Variants in EGFLAM observed in about 807,000 individuals in gnomAD.
The protein encoded by EGFLAM is pikachurin.
A neutral mutation model predicts 113.1 loss-of-function variants in EGFLAM; 79 were observed. The ratio of observed to expected loss-of-function variants is 0.70; its 90% CI spans 0.58 to 0.84. EGFLAM has a LOEUF of 0.84. EGFLAM is among the 40% of genes least tolerant of loss of function. The pLI, the probability that EGFLAM is intolerant of heterozygous loss-of-function variation, is 0.00. For synonymous variants in EGFLAM, 504 were observed against 487.6 expected (o/e 1.03, Z -0.44); for missense variants, 1,265 against 1,291.6 (o/e 0.98, Z 0.32).
At chr5:38,326,583 C>G (rs1049269560) in intron 1 of EGFLAM, among the ~76,000 whole-genome samples, 2 of 151,998 alleles carry the variant, frequency 1.3e-5, no homozygotes, top group African/African-American at 4.8e-5. Context: ...ACTGCAAGCT[C>G]TGCCTCCCAG....
intron 6 of EGFLAM, among the ~76,000 whole-genome samples, chr5:38,392,620 C>CTA (rs1554010903): frequency 1.4e-5 from 2 of 145,410 alleles, no homozygotes; most frequent in African/African-American, 5.4e-5. Flanking sequence ...AGAATCTATT[C>CTA]TTTTTTTTTG....
intron 6 of EGFLAM, among the ~76,000 whole-genome samples, chr5:38,396,063 T>TTTTTTTTTTTTTTTTTTTGAG (rs1482050151): frequency 1.3e-5 from 2 of 151,962 alleles, no homozygotes; most frequent in Non-Finnish European, 2.9e-5. Context: ...ACCCACTCTT[T>TTTTTTTTTTTTTTTTTTTGAG]AAAAGCCTCC....
chr5:38,455,689 G>A lies in EGFLAM; in HGVS notation c.2688-2622G>A, dbSNP rs116953251. On this transcript the variant is annotated intron_variant, in intron 19 of 21. Coordinates refer to ENST00000322350, the MANE Select transcript of EGFLAM (RefSeq NM_152403.4). Reference sequence around the variant, plus strand: ...GATGGAATTGAAGGGTTGGGGAATCGGGCCATGGAGAAGCCAACTGAGTTG... The same window carrying A: ...GATGGAATTGAAGGGTTGGGGAATCAGGCCATGGAGAAGCCAACTGAGTTG... Among the ~76,000 whole-genome samples, 86 of 152,184 alleles carry A rather than the reference G, an allele frequency of 5.7e-4. 2 individuals carry two copies. In the East Asian group the frequency reaches 7.3e-3, roughly 13 times the overall value.
intron 6 of EGFLAM, among the ~76,000 whole-genome samples, chr5:38,370,761 T>C (rs1740188733): frequency 6.6e-6 from 1 of 152,066 alleles, no homozygotes; most frequent in Non-Finnish European, 1.5e-5. Context: ...TATGCAGCCT[T>C]CCCCCTCCTT....
chr5:38,426,265 A>T (rs1361827351), intron 13 of EGFLAM, among the ~76,000 whole-genome samples: 1 of 148,606 alleles, frequency 6.7e-6, no homozygotes, highest in Non-Finnish European at 1.5e-5. Context: ...ATGTGTATAT[A>T]AACATGGAAA....
chr5:38,402,213 T>C (rs1741137565), intron 6 of EGFLAM: 1 of 152,182 alleles, frequency 6.6e-6, no homozygotes, highest in African/African-American at 2.4e-5. Flanking sequence ...ATATAGCTTT[T>C]AAAGAGTATT....
intron 1 of EGFLAM, among the ~76,000 whole-genome samples, chr5:38,318,189 T>C (rs1738649964): frequency 6.6e-6 from 1 of 151,472 alleles, no homozygotes; most frequent in Non-Finnish European, 1.5e-5. Context: ...TTTTTTTCAG[T>C]TGTTTTATTT....
chr5:38,332,313 A>G (rs1005493220), intron 1 of EGFLAM, among the ~76,000 whole-genome samples: 4 of 151,948 alleles, frequency 2.6e-5, no homozygotes, highest in African/African-American at 9.7e-5. Context: ...GTTTGGGGGT[A>G]CATGTGAAGG....
chr5:38,355,355 G>T (rs550743290), intron 5 of EGFLAM, among the ~76,000 whole-genome samples: 1 of 152,270 alleles, frequency 6.6e-6, no homozygotes, highest in South Asian at 2.1e-4. Flanking sequence ...ATGAAGGGGG[G>T]AGTCTGGAGA....
chr5:38,454,279 G>A (rs1042092930), intron 19 of EGFLAM, among the ~76,000 whole-genome samples: 3 of 152,204 alleles, frequency 2.0e-5, no homozygotes, highest in Non-Finnish European at 4.4e-5. Context: ...TTAGAAACAA[G>A]CACCCGGGTG....
At chr5:38,379,455 C>T (rs1740451462) in intron 6 of EGFLAM, among the ~76,000 whole-genome samples, 2 of 151,912 alleles carry the variant, frequency 1.3e-5, no homozygotes, top group African/African-American at 2.4e-5. Context: ...CAGTCTGTCT[C>T]GGTGTGGCGT....
chr5:38,390,056 T>A (rs1740770351), intron 6 of EGFLAM, among the ~76,000 whole-genome samples: 1 of 152,144 alleles, frequency 6.6e-6, no homozygotes, highest in Non-Finnish European at 1.5e-5. Flanking sequence ...GGTGCCACAT[T>A]TTTTTCAGTG....
chr5:38,392,128 C>A (rs914627701), intron 6 of EGFLAM, among the ~76,000 whole-genome samples: 3 of 152,110 alleles, frequency 2.0e-5, no homozygotes, highest in Non-Finnish European at 2.9e-5. Context: ...CTCAGGTAGA[C>A]CCCAGTGTCT....
chr5:38,422,292 A>T (rs1741852322), intron 12 of EGFLAM, among the ~76,000 whole-genome samples: 2 of 151,998 alleles, frequency 1.3e-5, no homozygotes, highest in Admixed American at 1.3e-4. Context: ...TGTATACATG[A>T]CCTTGCCACA....
chr5:38,404,833 A>G (rs1741228964), intron 6 of EGFLAM, among the ~76,000 whole-genome samples: 1 of 152,188 alleles, frequency 6.6e-6, no homozygotes, highest in Non-Finnish European at 1.5e-5. Context: ...GAGGACATGC[A>G]GGTGCCCTGG....
At chr5:38,378,549 C>T (rs1197841998) in intron 6 of EGFLAM, among the ~76,000 whole-genome samples, 2 of 152,232 alleles carry the variant, frequency 1.3e-5, no homozygotes, top group East Asian at 1.9e-4. Context: ...ACAAAGCAAT[C>T]AGGAAGTGCT....
At chr5:38,414,081 G>A (rs149200321) in intron 11 of EGFLAM, among the ~76,000 whole-genome samples, 38 of 152,316 alleles carry the variant, frequency 2.5e-4, no homozygotes, top group Non-Finnish European at 4.3e-4. Flanking sequence ...ATGGCCCAGG[G>A]GTTGGGGACC....
In EGFLAM at chr5:38,443,734, G is replaced by A. The variant is rs903033847; in HGVS notation, c.2465-4567G>A. 5.3e-5 allele frequency among the ~76,000 whole-genome samples: 8 copies of A among 151,454 alleles called. No homozygotes were observed. In the East Asian group the frequency reaches 7.8e-4, roughly 15 times the overall value. ...GGGCCCTTTGCTTTGCTAAGGTCCC[G>A]TGAACGTGGGAAAGAAACCGTGGTC... On this transcript the variant is annotated intron_variant, in intron 17 of 21. Transcript: ENST00000322350.
chr5:38,341,751 A>G (rs569581598), intron 3 of EGFLAM, among the ~76,000 whole-genome samples: 12 of 152,272 alleles, frequency 7.9e-5, no homozygotes, highest in African/African-American at 2.9e-4. Flanking sequence ...TGAAGATGTG[A>G]GTTATAAGGT....
Sources: allele counts gnomAD v4.1 joint callset (sites outside exome capture counted in the v4.1 genomes callset), GRCh38; gene constraint gnomAD v4.1.1; transcripts MANE v1.5; gene names NCBI Gene and HGNC (gene_info 2026-07-23, HGNC 2026-07-21).